The following BMPR1B variants were observed in gnomAD, a reference collection of about 807,000 sequenced individuals.
BMPR1B encodes bone morphogenetic protein receptor type-1B.
A neutral mutation model predicts 59.1 loss-of-function variants in BMPR1B; 12 were observed. The ratio of observed to expected loss-of-function variants is 0.20; its 90% confidence interval spans 0.13 to 0.33. The LOEUF (loss-of-function observed/expected upper bound fraction) is 0.33, where lower values mean the gene tolerates loss of function less well. BMPR1B is among the 10% of genes least tolerant of loss of function. BMPR1B has a pLI of 1.00. For missense variants in BMPR1B, 550 were observed against 610.9 expected (o/e 0.90, Z 1.05); for synonymous variants, 237 against 207.3 (o/e 1.14, Z -1.23).
chr4:95,051,791 T>C, intron 3 of BMPR1B: 1 of 1,534,128 alleles, frequency 6.5e-7, no homozygotes, highest in African/African-American at 1.4e-5. Context: ...ATCAGTGCCC[T>C]CCACTACAGT....
chr4:94,902,269 G>C (rs867883786), intron 2 of BMPR1B, among the ~76,000 whole-genome samples: 3,859 of 130,406 alleles, frequency 0.03, 44 homozygotes, highest in South Asian at 0.05. Flanking sequence ...GAGAGAGAGA[G>C]AGAGAGAGAG....
chr4:95,084,555 A>C (rs72671299), intron 3 of BMPR1B, among the ~76,000 whole-genome samples: 2 of 152,192 alleles, frequency 1.3e-5, no homozygotes, highest in Non-Finnish European at 2.9e-5. Context: ...AGTGTTTTGG[A>C]ATATTTTGAA....
At chr4:94,779,877 A>G (rs535466243) in intron 1 of BMPR1B, among the ~76,000 whole-genome samples, 2 of 152,058 alleles carry the variant, frequency 1.3e-5, no homozygotes, top group African/African-American at 2.4e-5. Flanking sequence ...TATTCCTAAT[A>G]TACTGTTTTA....
chr4:94,982,494 A>C (rs1410986611), intron 2 of BMPR1B, among the ~76,000 whole-genome samples: 3 of 152,208 alleles, frequency 2.0e-5, no homozygotes, highest in African/African-American at 7.2e-5. Context: ...TACATGGAGA[A>C]CTTTAAAGAA....
chr4:95,103,502 G>A (rs958508985), intron 3 of BMPR1B: 37 of 984,886 alleles, frequency 3.8e-5, no homozygotes, highest in African/African-American at 5.2e-5. Flanking sequence ...TTACCACAAC[G>A]CCTGAAACAA....
chr4:94,934,140 T>C (rs1347724600), intron 2 of BMPR1B, among the ~76,000 whole-genome samples: 1 of 152,206 alleles, frequency 6.6e-6, no homozygotes, highest in Non-Finnish European at 1.5e-5. Flanking sequence ...CAGTTATTTG[T>C]AGCATCCACG....
intron 2 of BMPR1B, among the ~76,000 whole-genome samples, chr4:94,985,509 C>CTG (rs60003954): frequency 0.016 from 2,239 of 138,818 alleles, 44 homozygotes; most frequent in African/African-American, 0.048. Context: ...AAAATAAGAG[C>CTG]TGTGTGTGTG....
intron 1 of BMPR1B, among the ~76,000 whole-genome samples, chr4:94,813,195 A>C (rs888737194): frequency 2.6e-5 from 4 of 152,234 alleles, no homozygotes; most frequent in African/African-American, 9.6e-5. Context: ...ACAATGTATG[A>C]AATAAATAAG....
At chr4:94,981,764 A>C (rs1466949158) in intron 2 of BMPR1B, among the ~76,000 whole-genome samples, 1 of 152,176 alleles carries the variant, frequency 6.6e-6, no homozygotes, top group Non-Finnish European at 1.5e-5. Flanking sequence ...GTGCCTGATA[A>C]ACGTATCTAA....
Position 94,943,985 on chromosome 4 carries a change from C to T in BMPR1B, c.-112-52055C>T, listed in dbSNP as rs186206536. ...CCAAAACCCTAACCCTTTTGAGTAC[C>T]GACATGATACCACAAAGTGGAAAAT... On this transcript the variant is annotated intron_variant, in intron 2 of 12. Coordinates refer to ENST00000515059, the MANE Select transcript of BMPR1B (RefSeq NM_001203.3). 2.8e-4 allele frequency among the ~76,000 whole-genome samples: 42 copies of T among 152,164 alleles called. No individual in the cohort carries two copies. The East Asian group carries it at 7.5e-3, about 27-fold the overall frequency.
chr4:94,985,304 G>C (rs1302787101), intron 2 of BMPR1B, among the ~76,000 whole-genome samples: 1 of 152,078 alleles, frequency 6.6e-6, no homozygotes, highest in Non-Finnish European at 1.5e-5. Flanking sequence ...TTTAAAGTTA[G>C]ATAAAAGCTA....
intron 2 of BMPR1B, among the ~76,000 whole-genome samples, chr4:94,987,040 C>CAAA (rs1375900593): frequency 6.8e-5 from 1 of 14,774 alleles, no homozygotes; most frequent in Non-Finnish European, 2.0e-4. Flanking sequence ...GACTCTGTCT[C>CAAA]AAAAAAAATA....
rs142533279 is a variant in BMPR1B, at chr4:94,955,880, C to T, written c.-112-40160C>T. Among the ~76,000 whole-genome samples the T allele has an allele frequency of 7.7e-3, 1,177 of 152,176 alleles. 10 individuals are homozygous for T. Among genetic ancestry groups the T allele is most frequent in the African/African-American group, 0.025 (1,027 of 41,520 alleles). The stretch of plus-strand genomic sequence containing the variant: ...CTGGCTTCAGGTGATCCGCCTGCCT[C>T]GGCCTCCCAAAGTGCTGGGATTACT... On this transcript the variant is annotated intron_variant, in intron 2 of 12. Transcript: ENST00000515059.
intron 1 of BMPR1B, among the ~76,000 whole-genome samples, chr4:94,816,394 C>T (rs1187652384): frequency 6.6e-6 from 1 of 152,114 alleles, no homozygotes; most frequent in East Asian, 1.9e-4. Flanking sequence ...TCTCGAACTC[C>T]TGACCTCGTG....
chr4:95,077,974 C>A (rs1332537790), intron 3 of BMPR1B, among the ~76,000 whole-genome samples: 1 of 152,128 alleles, frequency 6.6e-6, no homozygotes, highest in African/African-American at 2.4e-5. Context: ...GAAAGCCAAG[C>A]TGATATTATG....
chr4:94,861,056 C>A (rs955180030), intron 1 of BMPR1B, among the ~76,000 whole-genome samples: 3 of 150,502 alleles, frequency 2.0e-5, no homozygotes, highest in South Asian at 2.1e-4. Flanking sequence ...ATTCTGTATT[C>A]CTTCATATAT....
Position 95,131,351 on chromosome 4 carries a change from C to T in BMPR1B, c.915C>T (p.Ala305=), listed in dbSNP as rs1311175636. Residue 305 remains alanine, a synonymous_variant, in exon 10 of 13, where the codon GCC becomes GCT. Coordinates refer to ENST00000515059, the MANE Select transcript of BMPR1B (RefSeq NM_001203.3). ...TLDAKSMLKL[A]YSSVSGLCHL... ...ACGCTAAATCAATGCTGAAGTTAGC[C>T]TACTCTTCTGTCAGTGGCTTATGTC... is the stretch of plus-strand genomic sequence containing the variant. 7.4e-6 allele frequency: 12 copies of T among 1,613,850 alleles called. No individual in the cohort carries two copies. The highest frequency in any genetic ancestry group is 1.0e-5 in the Non-Finnish European group (12 of 1,179,998).
chr4:95,013,317 T>C (rs1028360521), intron 3 of BMPR1B, among the ~76,000 whole-genome samples: 1 of 152,218 alleles, frequency 6.6e-6, no homozygotes, highest in Admixed American at 6.5e-5. Flanking sequence ...CAACTGATGT[T>C]ATTTTAGATA....
At chr4:95,014,545 A>G (rs1401095684) in intron 3 of BMPR1B, among the ~76,000 whole-genome samples, 2 of 152,200 alleles carry the variant, frequency 1.3e-5, no homozygotes, top group East Asian at 3.8e-4. Context: ...GCTTATACAG[A>G]GTGAAAGGCC....
Sources: gnomAD v4.1 joint callset for allele counts (sites outside exome capture counted in the v4.1 genomes callset) on GRCh38, gnomAD v4.1.1 for gene constraint, MANE v1.5 for transcripts, NCBI Gene and HGNC (gene_info 2026-07-23, HGNC 2026-07-21) for gene names.